The following DISC1 variants were observed in gnomAD, a reference collection of about 807,000 sequenced individuals.
DISC1 encodes DISC1 scaffold protein, also known as disrupted in schizophrenia 1 protein.
In DISC1, 57 loss-of-function variants were observed where a neutral mutation model predicts 84.5. The observed-to-expected ratio is 0.67, with a 90% CI of 0.55 to 0.84. The LOEUF is 0.84. DISC1 is among the 40% of genes least tolerant of loss of function. The pLI is 0.00. For synonymous variants in DISC1, 411 were observed against 415.2 expected (o/e 0.99, Z 0.12); for missense variants, 1,000 against 1,057.8 (o/e 0.95, Z 0.76).
chr1:231,722,868 T>C (rs1573251012), intron 3 of DISC1: 1 of 1,392,962 alleles, frequency 7.2e-7, no homozygotes, highest in Non-Finnish European at 9.3e-7. Flanking sequence ...TCCCCTGTCA[T>C]GGCATGAAAA....
intron 1 of DISC1, among the ~76,000 whole-genome samples, chr1:231,642,278 C>G (rs1040919216): frequency 6.6e-6 from 1 of 152,228 alleles, no homozygotes; most frequent in Non-Finnish European, 1.5e-5. Flanking sequence ...GGTTCCCGCC[C>G]GCGCCTCTCC....
At chr1:231,941,576 G>A (rs573774025) in intron 9 of DISC1, among the ~76,000 whole-genome samples, 4 of 151,722 alleles carry the variant, frequency 2.6e-5, no homozygotes, top group African/African-American at 4.8e-5. Flanking sequence ...GGGTTCAAGC[G>A]ATTCTCCTGC....
At position 231,892,654 on chromosome 1, in the gene DISC1, A is replaced by G. The variant is rs547044014; in HGVS notation, c.1982-66174A>G. On this transcript the variant is annotated intron_variant, in intron 9 of 12. Transcript: ENST00000439617. Reference sequence around the variant, plus strand: ...ATGGAATCCAGTGGGGGAAATGAATATAAAAACAGGCAATTATAAAAAAAA... The same window carrying G: ...ATGGAATCCAGTGGGGGAAATGAATGTAAAAACAGGCAATTATAAAAAAAA... Among the ~76,000 whole-genome samples the G allele has an allele frequency of 6.5e-4, 97 of 149,906 alleles. 1 individual carries two copies. The highest frequency in any genetic ancestry group is 5.8e-4 in the Non-Finnish European group (39 of 67,438).
chr1:232,015,653 G>A (rs1000747754), intron 11 of DISC1, among the ~76,000 whole-genome samples: 2 of 152,188 alleles, frequency 1.3e-5, no homozygotes, highest in African/African-American at 4.8e-5. Context: ...CCATAAGCTG[G>A]TCGTGAGCTA....
intron 8 of DISC1, among the ~76,000 whole-genome samples, chr1:231,806,345 C>T (rs1321574859): frequency 3.3e-5 from 5 of 152,186 alleles, no homozygotes; most frequent in African/African-American, 1.2e-4. Context: ...CAGCTTTGGC[C>T]TCAGTGCCTG....
At chr1:231,996,482 G>C (rs1464448060) in intron 10 of DISC1, among the ~76,000 whole-genome samples, 1 of 152,106 alleles carries the variant, frequency 6.6e-6, no homozygotes, top group African/African-American at 2.4e-5. Context: ...TAAGGACCTG[G>C]TTATTTTCAA....
chr1:231,844,367 T>C (rs1254407503), intron 9 of DISC1, among the ~76,000 whole-genome samples: 2 of 152,140 alleles, frequency 1.3e-5, no homozygotes, highest in African/African-American at 2.4e-5. Flanking sequence ...AAGAGATGCA[T>C]AGGACAAGGT....
chr1:231,874,916 C>CAAAAA (rs747303966), intron 9 of DISC1, among the ~76,000 whole-genome samples: 4 of 54,390 alleles, frequency 7.4e-5, no homozygotes, highest in African/African-American at 1.8e-4. Context: ...GACTCCGTCT[C>CAAAAA]AAAAAAAAAA....
At chr1:231,702,642 CAAACAAAA>C (rs1336311336) in intron 3 of DISC1, 3 of 979,846 alleles carry the variant, frequency 3.1e-6, no homozygotes, top group Admixed American at 6.2e-5. Flanking sequence ...GGAAAACAAA[CAAACAAAA>C]AAACAAAAAA....
intron 9 of DISC1, among the ~76,000 whole-genome samples, chr1:231,834,526 C>G (rs982390785): frequency 3.3e-5 from 5 of 152,128 alleles, no homozygotes; most frequent in African/African-American, 1.2e-4. Context: ...AAAAATTGAA[C>G]GTGCCGTTTT....
At chr1:231,666,627 C>T (rs1172775904) in intron 1 of DISC1, among the ~76,000 whole-genome samples, 1 of 152,114 alleles carries the variant, frequency 6.6e-6, no homozygotes, top group Non-Finnish European at 1.5e-5. Flanking sequence ...AGGCAGCTGC[C>T]CAGCCTCTCT....
chr1:231,781,515 A>G (rs1275260504), intron 6 of DISC1, among the ~76,000 whole-genome samples: 4 of 152,224 alleles, frequency 2.6e-5, no homozygotes, highest in Admixed American at 2.6e-4. Context: ...TAGAATGATC[A>G]TAGCTAGTTC....
intron 11 of DISC1, among the ~76,000 whole-genome samples, chr1:232,011,751 T>C (rs550641099): frequency 2.0e-5 from 3 of 152,334 alleles, no homozygotes; most frequent in African/African-American, 7.2e-5. Flanking sequence ...GAGTGAATTT[T>C]ACTGTGTATG....
At chr1:231,829,941 A>G (rs544179271) in intron 9 of DISC1, among the ~76,000 whole-genome samples, 16 of 152,138 alleles carry the variant, frequency 1.1e-4, no homozygotes, top group Middle Eastern at 3.4e-3. Context: ...TCACCAGATA[A>G]TGTCATCTGT....
intron 1 of DISC1, among the ~76,000 whole-genome samples, chr1:231,661,670 C>G (rs1019581947): frequency 3.3e-5 from 5 of 152,170 alleles, no homozygotes; most frequent in Admixed American, 6.5e-5. Context: ...TTCTTAGCTT[C>G]TTTGCATTGG....
chr1:231,791,024 C>T (rs1412880979), intron 6 of DISC1, among the ~76,000 whole-genome samples: 2 of 152,140 alleles, frequency 1.3e-5, no homozygotes, highest in Non-Finnish European at 2.9e-5. Flanking sequence ...TTTCTTTTGC[C>T]ACAGCCACCC....
At chr1:231,636,182 A>G (rs1048889511) in intron 1 of DISC1, among the ~76,000 whole-genome samples, 1 of 152,252 alleles carries the variant, frequency 6.6e-6, no homozygotes, top group African/African-American at 2.4e-5. Flanking sequence ...TCATTCAGAA[A>G]GAGATATATA....
chr1:231,969,223 T>A (rs1661575308), intron 10 of DISC1, among the ~76,000 whole-genome samples: 1 of 135,866 alleles, frequency 7.4e-6, no homozygotes, highest in Admixed American at 7.8e-5. Context: ...CTGTCTGCCC[T>A]TTGGCCAGCT....
rs1222308872 is a variant in DISC1 at position 231,777,766 on chromosome 1, CTAATTT to C, written c.1634+6701_1634+6706del. On this transcript the variant is annotated intron_variant, in intron 6 of 12. Transcript: ENST00000439617. ...TTAGACTGGTGTTGATACTCATACA[CTAATTT>C]TAATATCTCTGTTATTTACAAACTG... 3.3e-5 allele frequency among the ~76,000 whole-genome samples: 5 copies of C among 152,322 alleles called. No individual in the cohort carries two copies. In the East Asian group the frequency reaches 7.7e-4, roughly 23 times the overall value.
Sources: gnomAD v4.1 joint callset for allele counts (sites outside exome capture counted in the v4.1 genomes callset) on GRCh38, gnomAD v4.1.1 for gene constraint, MANE v1.5 for transcripts, NCBI Gene and HGNC (gene_info 2026-07-23, HGNC 2026-07-21) for gene names.